E2F8: variants seen among roughly 807,000 people sequenced by gnomAD.
The protein encoded by E2F8 is E2F transcription factor 8, also known as transcription factor E2F8.
A neutral mutation model predicts 80.8 loss-of-function variants in E2F8; 35 were observed. The ratio of observed to expected loss-of-function variants is 0.43; its 90% CI spans 0.33 to 0.57. The LOEUF is 0.57. Among genes scored for constraint, E2F8 ranks in the 20% least tolerant of loss-of-function variants. The pLI, the probability that E2F8 is intolerant of heterozygous loss-of-function variation, is 0.04. For missense variants in E2F8, 975 were observed against 1,056.2 expected (o/e 0.92, Z 1.07); for synonymous variants, 386 against 395.0 (o/e 0.98, Z 0.27).
At position 19,230,446 on chromosome 11, in the gene E2F8, A is replaced by G. The variant is rs991450595; in HGVS notation, c.1271-118T>C. The G allele has an allele frequency of 1.5e-5, 18 of 1,224,298 alleles. No individual in the cohort carries two copies. In the Admixed American group the frequency reaches 1.9e-4, roughly 13 times the overall value. The allele number at this position is 1,224,298 out of a possible 1,614,324, so 75.8% of individuals were successfully genotyped here. A position where few individuals can be genotyped will look rare whatever the true frequency, so the allele number is the denominator to read the frequency against. ...TGTGCACCTCCCCTCAAAGTTGCAT[A>G]GCGATTAAACAATAAACCCCACAAA... On this transcript the variant is annotated intron_variant, in intron 8 of 12. Transcript: ENST00000250024.
At chr11:19,230,487 A>G in intron 8 of E2F8, 144 bp downstream of exon 8, 1 of 1,202,464 alleles carries the variant, frequency 8.3e-7, no homozygotes, top group Non-Finnish European at 1.2e-6. Context: ...TTTTAAATTT[A>G]TACATTAGTT....
At chr11:19,234,243 C>A in intron 6 of E2F8, 117 bp downstream of exon 6, 23 of 1,071,826 alleles carry the variant, frequency 2.1e-5, no homozygotes, top group South Asian at 5.7e-5. Context: ...GATATAAAAA[C>A]ATAATTAGAG....
chr11:19,238,289 C>T (rs1851576505), intron 2 of E2F8, among the ~76,000 whole-genome samples, 157 bp from the exon 3 acceptor site: 1 of 152,164 alleles, frequency 6.6e-6, no homozygotes, highest in South Asian at 2.1e-4. Context: ...TTCTAATGGT[C>T]ATGTGATGTG....
intron 12 of E2F8, 183 bp downstream of exon 12, chr11:19,225,038 C>T (rs1851192763): frequency 8.9e-6 from 10 of 1,129,270 alleles, no homozygotes; most frequent in South Asian, 1.5e-5. Context: ...CTCATGATAA[C>T]CCAACAATAT....
chr11:19,238,016 T>G lies in E2F8; in HGVS notation c.132A>C (p.Thr44=), dbSNP rs1242705969. The change falls in exon 3 of 13, where the codon ACA becomes ACC. Residue 44 remains threonine, a synonymous_variant. Coordinates refer to ENST00000250024, the MANE Select transcript of E2F8 (RefSeq NM_024680.4). ...EIQPDFGPLT[T]PTKPKEGSQG... ...GAGAGCCTTCCTTGGGCTTGGTAGG[T>G]GTGGTTAAAGGGCCAAAGTCAGGCT... 1 of 1,614,098 alleles carries G rather than the reference T, an allele frequency of 6.2e-7. No individual in the cohort carries two copies.
Position 19,229,275 on chromosome 11 carries a change from C to T in E2F8, c.1893+179G>A, listed in dbSNP as rs75825173. The stretch of plus-strand genomic sequence containing the variant: ...CCTTCCTCCAAAGGTTAAAAATGTC[C>T]CTGCCTTCATCCCAGCCAGGGGATT... On this transcript the variant is annotated intron_variant, in intron 10 of 12. Coordinates refer to ENST00000250024, the MANE Select transcript of E2F8 (RefSeq NM_024680.4). This position sits in a 1 kb window ranked among gnomAD's most constrained non-coding sequence, Gnocchi z 4.3. Among the ~76,000 whole-genome samples the T allele has an allele frequency of 2.0e-5, 3 of 152,168 alleles. No individual in the cohort carries two copies. The East Asian group carries it at 5.8e-4, about 29-fold the overall frequency.
At chr11:19,228,337 T>A (rs1221824317) in intron 10 of E2F8, among the ~76,000 whole-genome samples, 4 of 152,258 alleles carry the variant, frequency 2.6e-5, no homozygotes, top group African/African-American at 9.6e-5. Flanking sequence ...ATGGTTACCA[T>A]GAGGCCATCC....
Position 19,229,990 on chromosome 11 carries a change from T to C in E2F8, c.1359-2A>G. ...ACTTTCACTTTCTGTCTGGATTCACTGAAAGACAAGATTTAATACACGACA... is the reference window on the plus strand; with the variant it reads ...ACTTTCACTTTCTGTCTGGATTCACCGAAAGACAAGATTTAATACACGACA... On this transcript the variant is annotated splice_acceptor_variant, in intron 9 of 12. Transcript: ENST00000250024. LOFTEE classifies it high-confidence loss of function. This position sits in a 1 kb window ranked among gnomAD's most constrained non-coding sequence, Gnocchi z 4.3. 1.9e-6 allele frequency: 3 copies of C among 1,613,162 alleles called. No homozygotes were observed. The highest frequency in any genetic ancestry group is 2.5e-6 in the Non-Finnish European group (3 of 1,179,890).
Position 19,224,462 on chromosome 11 carries a change from C to A in E2F8, c.*196G>T. On this transcript the variant is annotated 3_prime_UTR_variant, in exon 13 of 13. Transcript: ENST00000250024. ...ATTGAAAGCTAAACTTAGCTTTATA[C>A]AAATATATGTGTGTGTGTGTGTGTG... The A allele has an allele frequency of 2.2e-6, 1 of 460,074 alleles. No individual in the cohort carries two copies. The highest frequency in any genetic ancestry group is 3.6e-6 in the Non-Finnish European group (1 of 274,952). The allele number at this position is 460,074 out of a possible 1,614,324, so 28.5% of individuals were successfully genotyped here.
At position 19,224,473 on chromosome 11, in the gene E2F8, G is replaced by A. The variant is rs1590119810; in HGVS notation, c.*185C>T. On this transcript the variant is annotated 3_prime_UTR_variant, in exon 13 of 13. Transcript: ENST00000250024. ...AACTTAGCTTTATACAAATATATGT[G>A]TGTGTGTGTGTGTGTGTGTGTGTGT... 7 of 233,066 alleles carry A rather than the reference G, an allele frequency of 3.0e-5. No homozygotes were observed. The highest frequency in any genetic ancestry group is 4.7e-5 in the East Asian group (1 of 21,480). The allele number at this position is 233,066 out of a possible 1,614,324, so 14.4% of individuals were successfully genotyped here. A position where few individuals can be genotyped will look rare whatever the true frequency, so the allele number is the denominator to read the frequency against.
intron 4 of E2F8, among the ~76,000 whole-genome samples, chr11:19,235,500 TTAGCCGGGTGTGG>T (rs1851491082): frequency 6.6e-6 from 1 of 152,046 alleles, no homozygotes; most frequent in African/African-American, 2.4e-5. Context: ...TACAAAAAAA[TTAGCCGGGTGTGG>T]TGGCGGGTGC....
In E2F8 at chr11:19,232,313, C is replaced by G; in HGVS notation, c.987G>C (p.Lys329Asn). 1 of 1,614,168 alleles carries G rather than the reference C, an allele frequency of 6.2e-7. No individual in the cohort carries two copies. Among genetic ancestry groups the G allele is most frequent in the Non-Finnish European group, 8.5e-7 (1 of 1,180,018 alleles). ...ANVLSSLDLI[K>N]KVHVTEERGR... The stretch of plus-strand genomic sequence containing the variant: ...CTCTTTCCTCTGTAACATGAACTTT[C>G]TTGATAAGATCCAGGCTACTCAGAA... Residue 329 changes from lysine to asparagine, a missense_variant, in exon 7 of 13, where the codon AAG (lysine) becomes AAC (asparagine). Coordinates refer to ENST00000250024, the MANE Select transcript of E2F8 (RefSeq NM_024680.4).
chr11:19,236,001 T>C (rs1309534751), intron 4 of E2F8, among the ~76,000 whole-genome samples: 3 of 152,370 alleles, frequency 2.0e-5, no homozygotes, highest in Admixed American at 6.5e-5. Flanking sequence ...AAATTGGGTT[T>C]TCAATATTCT....
intron 8 of E2F8, 92 bp downstream of exon 8, chr11:19,230,539 C>A (rs990217258): frequency 2.1e-6 from 3 of 1,410,990 alleles, no homozygotes; most frequent in African/African-American, 1.4e-5. Flanking sequence ...TGAAATAATT[C>A]TCTGACAACT....
chr11:19,233,342 G>T (rs1331887980), intron 6 of E2F8, among the ~76,000 whole-genome samples: 1 of 152,170 alleles, frequency 6.6e-6, no homozygotes, highest in Non-Finnish European at 1.5e-5. Flanking sequence ...CAAAATGGCA[G>T]ACTACCTGTG....
intron 7 of E2F8, 40 bp from the exon 8 acceptor site, chr11:19,230,874 TCA>T (rs1851362205): frequency 6.3e-7 from 1 of 1,598,602 alleles, no homozygotes; most frequent in African/African-American, 1.3e-5. Context: ...CCTGGATGGC[TCA>T]GTTGGCTTTT....
At position 19,234,506 on chromosome 11, in the gene E2F8, C is replaced by T. The variant is rs1297149791; in HGVS notation, c.782G>A (p.Arg261His). Reference protein sequence around the residue: ...VEFRAASVNSRKDKSLRVMSQ... With the variant: ...VEFRAASVNSHKDKSLRVMSQ... ...CATTACCCTTAAAGACTTGTCTTTG[C>T]GGCTGTTTACAGAAGCTTTAGAGAA... Residue 261 changes from arginine (R) to histidine (H), a missense_variant, in exon 6 of 13, where the codon CGC (arginine) becomes CAC (histidine). Physicochemically the swap from Arg to His is conservative, Grantham distance 29. Transcript: ENST00000250024. 4 of 1,613,636 alleles carry T rather than the reference C, an allele frequency of 2.5e-6. No homozygotes were observed. Among genetic ancestry groups the T allele is most frequent in the East Asian group, 2.2e-5 (1 of 44,892 alleles).
intron 10 of E2F8, among the ~76,000 whole-genome samples, chr11:19,227,096 C>A (rs556248193): frequency 3.3e-5 from 5 of 152,174 alleles, no homozygotes; most frequent in Admixed American, 2.6e-4. Context: ...AGCTAAAAAC[C>A]GCTCTTATAA....
chr11:19,232,189 C>T, intron 7 of E2F8, 45 bp downstream of exon 7: 6 of 1,600,234 alleles, frequency 3.7e-6, no homozygotes, highest in Non-Finnish European at 5.1e-6. Flanking sequence ...TAGAAAAACA[C>T]ACACACAAAT....
Sources: gnomAD v4.1 joint callset for allele counts (sites outside exome capture counted in the v4.1 genomes callset) on GRCh38, gnomAD v4.1.1 for gene constraint, Gnocchi (gnomAD v3.1) non-coding constraint, MANE v1.5 for transcripts, NCBI Gene and HGNC (gene_info 2026-07-23, HGNC 2026-07-21) for gene names.